KDM4C: variants seen among roughly 807,000 people sequenced by gnomAD.
The protein encoded by KDM4C is lysine-specific demethylase 4C.
KDM4C carries 81 observed loss-of-function variants against 129.3 expected under a neutral mutation model. The ratio of observed to expected loss-of-function variants is 0.63; its 90% confidence interval spans 0.52 to 0.75. The LOEUF is 0.75. Among genes scored for constraint, KDM4C ranks in the 30% least tolerant of loss-of-function variants. The probability of loss-of-function intolerance (pLI) is 0.00; values close to 1 mark genes in which losing one functional copy is unlikely to be tolerated. For missense variants in KDM4C, 1,457 were observed against 1,304.0 expected (o/e 1.12, Z -1.81); for synonymous variants, 573 against 456.1 (o/e 1.26, Z -3.26).
intron 8 of KDM4C, among the ~76,000 whole-genome samples, chr9:6,950,446 A>C (rs1827929482): frequency 2.6e-5 from 4 of 152,168 alleles, no homozygotes; most frequent in African/African-American, 9.6e-5. Flanking sequence ...ATTCATCCAT[A>C]CAGATTTTAG....
intron 8 of KDM4C, among the ~76,000 whole-genome samples, chr9:6,942,106 G>A (rs1826055945): frequency 6.6e-6 from 1 of 152,106 alleles, no homozygotes; most frequent in South Asian, 2.1e-4. Flanking sequence ...TTTCATCTTT[G>A]TTATAATGGG....
Position 7,174,754 on chromosome 9 carries a change from A to T in KDM4C, c.*25A>T. On this transcript the variant is annotated 3_prime_UTR_variant, in exon 22 of 22. Coordinates refer to ENST00000381309, the MANE Select transcript of KDM4C (RefSeq NM_015061.6). The stretch of plus-strand genomic sequence containing the variant: ...GTCTGCATACATCGCTGCAGGCCAC[A>T]GAGCAGCTTGGGTTGGAAGAGAGAA... 1 of 1,603,126 alleles carries T rather than the reference A, an allele frequency of 6.2e-7. No homozygotes were observed. The highest frequency in any genetic ancestry group is 8.5e-7 in the Non-Finnish European group (1 of 1,171,212).
At chr9:6,762,803 C>T (rs1189681857) in intron 1 of KDM4C, among the ~76,000 whole-genome samples, 8 of 151,654 alleles carry the variant, frequency 5.3e-5, no homozygotes, top group African/African-American at 9.7e-5. Flanking sequence ...AAATTACAGG[C>T]ACCTGCCATC....
chr9:7,164,772 C>T (rs183356413), intron 19 of KDM4C, among the ~76,000 whole-genome samples: 315 of 152,274 alleles, frequency 2.1e-3, no homozygotes, highest in African/African-American at 7.2e-3. Context: ...TCGCAGGAGT[C>T]TCAGTTTCCT....
Position 6,761,734 on chromosome 9 carries a change from G to A in KDM4C, c.-18+3531G>A, listed in dbSNP as rs553680364. 2.6e-5 allele frequency among the ~76,000 whole-genome samples: 4 copies of A among 152,282 alleles called. No homozygotes were observed. In the East Asian group the frequency reaches 7.7e-4, roughly 29 times the overall value. On this transcript the variant is annotated intron_variant, in intron 1 of 21. Transcript: ENST00000381309. ...TAGGTACATTCTGTACTTTGATTAA[G>A]CTCAATATCTACTGAAAAATGTGTG...
intron 12 of KDM4C, among the ~76,000 whole-genome samples, chr9:6,999,846 G>A (rs10122718): frequency 3.3e-5 from 5 of 151,874 alleles, no homozygotes; most frequent in African/African-American, 1.2e-4. Context: ...TAAATGCTGT[G>A]TGATGGCTGC....
intron 3 of KDM4C, among the ~76,000 whole-genome samples, chr9:6,810,174 C>T (rs111756024): frequency 6.6e-6 from 1 of 152,116 alleles, no homozygotes; most frequent in African/African-American, 2.4e-5. Context: ...AGCATGGTAT[C>T]GGTTTTCTAC....
intron 8 of KDM4C, among the ~76,000 whole-genome samples, chr9:6,932,560 C>T (rs1269912166): frequency 6.6e-6 from 1 of 152,182 alleles, no homozygotes; most frequent in Non-Finnish European, 1.5e-5. Context: ...ACTATTCAAA[C>T]CTTTTCTAAT....
intron 1 of KDM4C, among the ~76,000 whole-genome samples, chr9:6,771,721 A>C (rs1821883452): frequency 6.6e-6 from 1 of 152,204 alleles, no homozygotes. Context: ...TAATCTCATA[A>C]AAGTCACAAT....
chr9:7,105,022 G>A (rs1050136811), intron 18 of KDM4C, among the ~76,000 whole-genome samples: 1 of 152,026 alleles, frequency 6.6e-6, no homozygotes, highest in African/African-American at 2.4e-5. Flanking sequence ...TTTTTTCATT[G>A]TTTCAGGTTC....
At chr9:6,974,458 C>A (rs375951305) in intron 8 of KDM4C, among the ~76,000 whole-genome samples, 2 of 152,318 alleles carry the variant, frequency 1.3e-5, no homozygotes, top group South Asian at 4.1e-4. Context: ...CTCTTGGGTT[C>A]AAGCAGTTCT....
At chr9:6,790,160 T>C (rs1826257653) in intron 1 of KDM4C, among the ~76,000 whole-genome samples, 1 of 147,480 alleles carries the variant, frequency 6.8e-6, no homozygotes, top group South Asian at 2.4e-4. Context: ...CGCCTTGGCC[T>C]CCTGAAGTGC....
chr9:7,174,783 G>A lies in KDM4C; in HGVS notation c.*54G>A, dbSNP rs1327876362. On this transcript the variant is annotated 3_prime_UTR_variant, in exon 22 of 22. Coordinates refer to ENST00000381309, the MANE Select transcript of KDM4C (RefSeq NM_015061.6). ...CAGCTTGGGTTGGAAGAGAGAAGAT[G>A]AAGGGACATCCTTGGGGCTGTGCCG... 3 of 1,487,668 alleles carry A rather than the reference G, an allele frequency of 2.0e-6. No individual in the cohort carries two copies. Among genetic ancestry groups the A allele is most frequent in the African/African-American group, 2.8e-5 (2 of 72,328 alleles). 92.2% of individuals were successfully genotyped at this position (1,487,668 alleles called of 1,614,324 possible).
chr9:6,721,386 C>A (rs1226938607), intron 1 of KDM4C, among the ~76,000 whole-genome samples: 2 of 150,098 alleles, frequency 1.3e-5, no homozygotes, highest in Non-Finnish European at 3.0e-5. Context: ...CAGGTTCAAG[C>A]GATTCTTGTG....
intron 3 of KDM4C, among the ~76,000 whole-genome samples, chr9:6,811,212 G>A (rs1432147428): frequency 6.6e-6 from 1 of 152,096 alleles, no homozygotes; most frequent in Non-Finnish European, 1.5e-5. Context: ...GGAGTGCAGT[G>A]GCGTGATCTC....
At chr9:6,858,737 A>C (rs1224387051) in intron 5 of KDM4C, among the ~76,000 whole-genome samples, 1 of 150,638 alleles carries the variant, frequency 6.6e-6, no homozygotes, top group Admixed American at 6.7e-5. Context: ...GTGTCACTGC[A>C]CTCCAGCCTG....
intron 17 of KDM4C, among the ~76,000 whole-genome samples, chr9:7,092,134 C>CT (rs2095259597): frequency 4.6e-5 from 7 of 152,134 alleles, no homozygotes; most frequent in Admixed American, 6.5e-5. Flanking sequence ...TCTTCTTCTT[C>CT]ATCCTTGAAA....
At chr9:6,971,208 G>A (rs1366449192) in intron 8 of KDM4C, among the ~76,000 whole-genome samples, 1 of 152,154 alleles carries the variant, frequency 6.6e-6, no homozygotes, top group African/African-American at 2.4e-5. Context: ...TTATACAAAT[G>A]TGGAGCTTTT....
At chr9:7,030,516 C>G (rs1826549321) in intron 15 of KDM4C, among the ~76,000 whole-genome samples, 1 of 152,042 alleles carries the variant, frequency 6.6e-6, no homozygotes, top group African/African-American at 2.4e-5. Context: ...ATGTGCTGCT[C>G]TGGTGGGGGA....
Sources: allele counts gnomAD v4.1 joint callset (sites outside exome capture counted in the v4.1 genomes callset), GRCh38; gene constraint gnomAD v4.1.1; transcripts MANE v1.5; gene names NCBI Gene and HGNC (gene_info 2026-07-23, HGNC 2026-07-21).